LARGE1: variants seen among roughly 807,000 people sequenced by gnomAD.
LARGE1 encodes the protein xylosyl- and glucuronyltransferase LARGE1.
LARGE1 carries 43 observed loss-of-function variants against 87.6 expected under a neutral mutation model. The observed-to-expected ratio is 0.49, with a 90% CI of 0.38 to 0.63. The LOEUF (loss-of-function observed/expected upper bound fraction) is 0.63, where lower values mean the gene tolerates loss of function less well. Ranked by LOEUF, LARGE1 falls within the 30% of genes least tolerant of loss-of-function variation. LARGE1 has a pLI of 0.00. For missense variants in LARGE1, 802 were observed against 1,000.2 expected, an observed-to-expected ratio of 0.80 and a Z score of 2.67; for synonymous variants, 434 against 394.6, an observed-to-expected ratio of 1.10 and a Z score of -1.18.
chr22:33,752,912 G>A (rs965460829), intron 2 of LARGE1, among the ~76,000 whole-genome samples: 2 of 152,164 alleles, frequency 1.3e-5, no homozygotes, highest in African/African-American at 4.8e-5. Context: ...GGATTTTCTG[G>A]GTAGGCTCAA....
intron 2 of LARGE1, among the ~76,000 whole-genome samples, chr22:33,663,794 C>T (rs1453944347): frequency 6.6e-6 from 1 of 152,202 alleles, no homozygotes. Flanking sequence ...TTTCAGGAGC[C>T]CCTACATATA....
At chr22:33,748,700 T>G (rs2084196088) in intron 2 of LARGE1, among the ~76,000 whole-genome samples, 1 of 152,232 alleles carries the variant, frequency 6.6e-6, no homozygotes, top group South Asian at 2.1e-4. Context: ...AAACTCTGCA[T>G]CAGAGGATGG....
chr22:33,590,866 G>C (rs2078816664), intron 5 of LARGE1, among the ~76,000 whole-genome samples: 1 of 152,176 alleles, frequency 6.6e-6, no homozygotes. Context: ...ACACCTAGGA[G>C]TGGAACCACT....
At chr22:33,676,193 C>T (rs1050131739) in intron 2 of LARGE1, among the ~76,000 whole-genome samples, 1 of 151,836 alleles carries the variant, frequency 6.6e-6, no homozygotes, top group Non-Finnish European at 1.5e-5. Flanking sequence ...ACTTAGGTCA[C>T]AGCTTGAGTT....
intron 6 of LARGE1, among the ~76,000 whole-genome samples, chr22:33,516,722 TG>T (rs767885322): frequency 3.9e-5 from 6 of 152,098 alleles, no homozygotes; most frequent in Non-Finnish European, 8.8e-5. Context: ...CCCAAGTAGC[TG>T]GGACTACAAG....
At chr22:33,140,335 G>A in the LARGE1 span, among the ~76,000 whole-genome samples, 82,691 of 151,936 alleles carry the variant, frequency 0.54, 22,601 homozygotes, top group South Asian at 0.75. Context: ...GCAGTGGGGA[G>A]AAAAGGGGAT....
intron 1 of LARGE1, among the ~76,000 whole-genome samples, chr22:33,862,371 G>C (rs1355073198): frequency 3.3e-5 from 5 of 152,188 alleles, no homozygotes; most frequent in African/African-American, 4.8e-5. Flanking sequence ...AAGCCTTCCT[G>C]GGGGAGGTTA....
At chr22:33,290,715 A>G (rs1204601675) in intron 12 of LARGE1, among the ~76,000 whole-genome samples, 1 of 152,176 alleles carries the variant, frequency 6.6e-6, no homozygotes, top group African/African-American at 2.4e-5. Context: ...CCAGTCAAGT[A>G]GGTGGGTGTG....
chr22:33,776,401 C>T (rs1002186478), intron 1 of LARGE1, among the ~76,000 whole-genome samples: 1 of 152,170 alleles, frequency 6.6e-6, no homozygotes, highest in Non-Finnish European at 1.5e-5. Context: ...CAATATTAAC[C>T]TCTTTCAACA....
the LARGE1 span, among the ~76,000 whole-genome samples, chr22:33,146,265 A>C: frequency 6.6e-6 from 1 of 152,208 alleles, no homozygotes; most frequent in Non-Finnish European, 1.5e-5. Context: ...CTAAGGCTTC[A>C]TAGATTTTAG....
chr22:33,581,458 G>A (rs1280412429), intron 5 of LARGE1, among the ~76,000 whole-genome samples: 1 of 152,132 alleles, frequency 6.6e-6, no homozygotes, highest in African/African-American at 2.4e-5. Context: ...AAGTAACTTT[G>A]TTTAGAAATA....
At chr22:33,080,666 A>G in the LARGE1 span, among the ~76,000 whole-genome samples, 2 of 152,184 alleles carry the variant, frequency 1.3e-5, no homozygotes, top group African/African-American at 4.8e-5. Flanking sequence ...TATAATTATT[A>G]GCAGCATTTT....
At chr22:33,148,658 CT>C in the LARGE1 span, among the ~76,000 whole-genome samples, 1 of 152,016 alleles carries the variant, frequency 6.6e-6, no homozygotes, top group Non-Finnish European at 1.5e-5. Context: ...TTTTGCCAAG[CT>C]TTTTTTCAAA....
chr22:33,461,049 CACA>C (rs1331883762), intron 6 of LARGE1, among the ~76,000 whole-genome samples: 17 of 152,100 alleles, frequency 1.1e-4, no homozygotes, highest in Admixed American at 1.1e-3. Context: ...ACGAACTTAC[CACA>C]ACATCAAACA....
At chr22:33,707,450 A>G (rs1273348880) in intron 2 of LARGE1, among the ~76,000 whole-genome samples, 1 of 152,224 alleles carries the variant, frequency 6.6e-6, no homozygotes, top group Non-Finnish European at 1.5e-5. Flanking sequence ...AGTGGTTATT[A>G]GGTTCCTAAA....
intron 10 of LARGE1, among the ~76,000 whole-genome samples, chr22:33,329,721 C>A: frequency 6.6e-6 from 1 of 152,180 alleles, no homozygotes; most frequent in Non-Finnish European, 1.5e-5. Context: ...ACTAAAGGAA[C>A]GGCATACACT....
the LARGE1 span, among the ~76,000 whole-genome samples, chr22:33,132,843 A>G: frequency 6.6e-6 from 1 of 152,190 alleles, no homozygotes; most frequent in African/African-American, 2.4e-5. Context: ...ATTATCGTGC[A>G]TGTAACATAC....
the LARGE1 span, among the ~76,000 whole-genome samples, chr22:33,103,432 CAAAAAAA>C: frequency 1.5e-4 from 5 of 33,802 alleles, no homozygotes; most frequent in Admixed American, 6.0e-4. Flanking sequence ...GACTCTGTCT[CAAAAAAA>C]AAAAAAAAAA....
At chr22:33,582,666 C>T (rs140540114) in intron 5 of LARGE1, among the ~76,000 whole-genome samples, 297 of 152,286 alleles carry the variant, frequency 2.0e-3, no homozygotes, top group African/African-American at 6.8e-3. Context: ...CCAGCAGGTA[C>T]GCCTCATCCA....
Sources: gnomAD v4.1 joint callset for allele counts (sites outside exome capture counted in the v4.1 genomes callset) on GRCh38, gnomAD v4.1.1 for gene constraint, MANE v1.5 for transcripts, NCBI Gene and HGNC (gene_info 2026-07-23, HGNC 2026-07-21) for gene names.